The following EPB41L2 variants were observed in gnomAD, a reference collection of about 807,000 sequenced individuals.
The protein encoded by EPB41L2 is erythrocyte membrane protein band 4.1 like 2, also known as band 4.1-like protein 2.
EPB41L2 carries 43 observed loss-of-function variants against 113.0 expected under a neutral mutation model. The observed-to-expected ratio is 0.38, with a 90% confidence interval of 0.30 to 0.49. EPB41L2 has a LOEUF of 0.49. EPB41L2 is among the 20% of genes least tolerant of loss of function. The probability of loss-of-function intolerance (pLI) is 0.95; values close to 1 mark genes in which losing one functional copy is unlikely to be tolerated. For synonymous variants in EPB41L2, 442 were observed against 436.7 expected, an observed-to-expected ratio of 1.01 and a Z score of -0.15; for missense variants, 1,147 against 1,223.4, an observed-to-expected ratio of 0.94 and a Z score of 0.93.
chr6:130,874,086 C>T (rs1296251794), intron 14 of EPB41L2, among the ~76,000 whole-genome samples: 5 of 152,146 alleles, frequency 3.3e-5, no homozygotes, highest in African/African-American at 1.2e-4. Context: ...TGTACATAAT[C>T]TCTTAGACTC....
At chr6:130,964,884 C>T (rs1774629268) in intron 1 of EPB41L2, among the ~76,000 whole-genome samples, 1 of 152,070 alleles carries the variant, frequency 6.6e-6, no homozygotes, top group African/African-American at 2.4e-5. Context: ...AGAGAAGTGC[C>T]AGAATTCAAA....
At chr6:130,863,572 G>T in intron 18 of EPB41L2, 66 bp downstream of exon 18, 1 of 1,149,314 alleles carries the variant, frequency 8.7e-7, no homozygotes, top group Non-Finnish European at 1.3e-6. Context: ...TATGCGACAT[G>T]ATGACAAATG....
intron 1 of EPB41L2, among the ~76,000 whole-genome samples, chr6:131,009,429 C>T (rs1339271892): frequency 6.6e-6 from 1 of 152,046 alleles, no homozygotes; most frequent in Non-Finnish European, 1.5e-5. Flanking sequence ...ATACACAGAC[C>T]CTTAGCAATT....
chr6:130,874,140 C>T (rs576984449), intron 14 of EPB41L2, among the ~76,000 whole-genome samples: 10 of 152,226 alleles, frequency 6.6e-5, no homozygotes, highest in Non-Finnish European at 1.3e-4. Flanking sequence ...ATAATTCATA[C>T]AACACGTTAA....
chr6:130,954,198 GC>G (rs1271378341), intron 3 of EPB41L2, among the ~76,000 whole-genome samples: 2 of 150,862 alleles, frequency 1.3e-5, no homozygotes, highest in Non-Finnish European at 3.0e-5. Flanking sequence ...GAATACTGGC[GC>G]CCGCCACTAC....
chr6:131,030,087 T>TG (rs11410493), intron 1 of EPB41L2, among the ~76,000 whole-genome samples: 51,227 of 151,930 alleles, frequency 0.34, 8,814 homozygotes, highest in Non-Finnish European at 0.38. Flanking sequence ...CAGGACCCCG[T>TG]GCTCTATGCT....
chr6:130,865,680 T>C, intron 16 of EPB41L2, 46 bp from the exon 17 acceptor site: 1 of 1,588,134 alleles, frequency 6.3e-7, no homozygotes, highest in South Asian at 1.1e-5. Context: ...TTAACTTCTG[T>C]TATGTTGTCA....
At chr6:131,034,564 T>C (rs1440415128) in intron 1 of EPB41L2, among the ~76,000 whole-genome samples, 1 of 152,154 alleles carries the variant, frequency 6.6e-6, no homozygotes, top group Non-Finnish European at 1.5e-5. Context: ...AAACTCAAAA[T>C]TACTTTTCCA....
chr6:131,057,005 A>C (rs1797725995), intron 1 of EPB41L2, among the ~76,000 whole-genome samples: 1 of 152,212 alleles, frequency 6.6e-6, no homozygotes, highest in African/African-American at 2.4e-5. Context: ...AATTGAATGG[A>C]AAGAAGTACA....
chr6:131,052,921 G>A (rs1461601822), intron 1 of EPB41L2, among the ~76,000 whole-genome samples: 1 of 151,534 alleles, frequency 6.6e-6, no homozygotes, highest in Non-Finnish European at 1.5e-5. Flanking sequence ...TTTTTGAGGA[G>A]TTTCGCTCTT....
At chr6:130,919,966 C>A (rs2128537611) in intron 4 of EPB41L2, among the ~76,000 whole-genome samples, 1 of 152,200 alleles carries the variant, frequency 6.6e-6, no homozygotes, top group East Asian at 1.9e-4. Flanking sequence ...CTACAATTTG[C>A]TCAACTAAGA....
intron 1 of EPB41L2, among the ~76,000 whole-genome samples, chr6:130,997,308 T>C (rs1562694206): frequency 6.6e-6 from 1 of 152,172 alleles, no homozygotes; most frequent in African/African-American, 2.4e-5. Context: ...GCTATTAAGA[T>C]CATGTAAATT....
intron 1 of EPB41L2, among the ~76,000 whole-genome samples, chr6:130,990,614 G>A (rs1350280683): frequency 6.6e-6 from 1 of 152,118 alleles, no homozygotes; most frequent in Admixed American, 6.5e-5. Flanking sequence ...GCAGCAAATT[G>A]TGATATACAG....
intron 1 of EPB41L2, among the ~76,000 whole-genome samples, chr6:131,055,056 A>G (rs984818298): frequency 6.6e-6 from 1 of 152,234 alleles, no homozygotes; most frequent in Non-Finnish European, 1.5e-5. Flanking sequence ...GCTTACTCAT[A>G]TAACCTCCAG....
chr6:130,891,695 G>T (rs1004279452), intron 10 of EPB41L2, among the ~76,000 whole-genome samples: 4 of 152,004 alleles, frequency 2.6e-5, no homozygotes, highest in African/African-American at 4.8e-5. Context: ...TGATCCACCC[G>T]CCTCAGCCTC....
intron 14 of EPB41L2, chr6:130,876,613 G>T: frequency 2.9e-6 from 3 of 1,047,916 alleles, no homozygotes; most frequent in Non-Finnish European, 3.9e-6. Context: ...TATGGCTGTG[G>T]ATAGAAACAA....
chr6:131,004,206 A>G (rs1003034473), intron 1 of EPB41L2, among the ~76,000 whole-genome samples: 3 of 152,148 alleles, frequency 2.0e-5, no homozygotes, highest in Non-Finnish European at 2.9e-5. Flanking sequence ...AAAGAACTAT[A>G]CATACTCCCA....
intron 11 of EPB41L2, among the ~76,000 whole-genome samples, chr6:130,885,650 T>C (rs1204763659): frequency 6.6e-6 from 1 of 152,178 alleles, no homozygotes; most frequent in East Asian, 1.9e-4. Flanking sequence ...TTTCTGAATC[T>C]ATCTATTGCA....
intron 1 of EPB41L2, among the ~76,000 whole-genome samples, chr6:130,957,181 A>G (rs1251743955): frequency 6.6e-6 from 1 of 152,134 alleles, no homozygotes; most frequent in Non-Finnish European, 1.5e-5. Flanking sequence ...CCATAATCAC[A>G]CTTTTCTTTC....
Sources: allele counts gnomAD v4.1 joint callset (sites outside exome capture counted in the v4.1 genomes callset), GRCh38; gene constraint gnomAD v4.1.1; transcripts MANE v1.5; gene names NCBI Gene and HGNC (gene_info 2026-07-23, HGNC 2026-07-21).